The following MRTFA variants were observed in gnomAD, a reference collection of about 807,000 sequenced individuals.
The protein encoded by MRTFA is myocardin related transcription factor A, also known as myocardin-related transcription factor A.
A neutral mutation model predicts 83.5 loss-of-function variants in MRTFA; 20 were observed. The observed-to-expected ratio is 0.24, with a 90% CI of 0.17 to 0.35. The LOEUF is 0.35. MRTFA is among the 10% of genes least tolerant of loss of function. MRTFA has a pLI of 1.00. For missense variants in MRTFA, 1,200 were observed against 1,224.7 expected (o/e 0.98, Z 0.30); for synonymous variants, 659 against 541.2 (o/e 1.22, Z -3.02).
chr22:40,556,031 A>G (rs1331402837), intron 2 of MRTFA, among the ~76,000 whole-genome samples: 1 of 152,188 alleles, frequency 6.6e-6, no homozygotes, highest in African/African-American at 2.4e-5. Context: ...CTACATACTC[A>G]TATATTAAAA....
chr22:40,507,467 T>C (rs937675306), intron 3 of MRTFA, among the ~76,000 whole-genome samples: 8 of 151,774 alleles, frequency 5.3e-5, no homozygotes, highest in African/African-American at 1.7e-4. Flanking sequence ...ATCCTGTCTC[T>C]AAAAAGAATA....
chr22:40,577,538 C>A (rs1056824198), intron 2 of MRTFA, among the ~76,000 whole-genome samples: 12 of 151,842 alleles, frequency 7.9e-5, no homozygotes, highest in African/African-American at 2.9e-4. Context: ...CCATCTCTGA[C>A]ATGCCTTCAC....
intron 3 of MRTFA, among the ~76,000 whole-genome samples, chr22:40,501,975 C>T (rs1305364932): frequency 1.2e-4 from 14 of 119,876 alleles, no homozygotes; most frequent in South Asian, 5.9e-4. Context: ...GCTGGCCGGG[C>T]GGGGGGCTGA....
At chr22:40,417,254 T>C (rs1202143989) in intron 13 of MRTFA, 87 bp downstream of exon 13, 2 of 1,530,914 alleles carry the variant, frequency 1.3e-6, no homozygotes, top group Middle Eastern at 2.3e-4. Flanking sequence ...GCCTGCCCCC[T>C]ATTCCTCCGG....
intron 3 of MRTFA, among the ~76,000 whole-genome samples, chr22:40,500,023 G>A (rs932650447): frequency 1.4e-5 from 2 of 144,888 alleles, no homozygotes; most frequent in East Asian, 2.2e-4. Flanking sequence ...TCCGCCTCCA[G>A]GGTTCAAGCA....
At chr22:40,543,829 A>T (rs2055325573) in intron 3 of MRTFA, among the ~76,000 whole-genome samples, 1 of 152,206 alleles carries the variant, frequency 6.6e-6, no homozygotes, top group Admixed American at 6.5e-5. Flanking sequence ...TCCAATCAAA[A>T]TCCTGAGTAA....
In MRTFA at chr22:40,423,410, TC is replaced by T. The variant is rs1323908041; in HGVS notation, c.927+125del. The T allele has an allele frequency of 1.7e-5, 15 of 887,560 alleles. No individual in the cohort carries two copies. In the East Asian group the frequency reaches 4.2e-4, roughly 25 times the overall value. The allele number at this position is 887,560 out of a possible 1,614,324, so 55.0% of individuals were successfully genotyped here. A position where few individuals can be genotyped will look rare whatever the true frequency, so the allele number is the denominator to read the frequency against. On this transcript the variant is annotated intron_variant, in intron 9 of 14. Transcript: ENST00000355630. Reference sequence around the variant, plus strand: ...GACAGCAGACAGAACGGGAAGAAACTCCCAGACCAATGGGAGAAGACACGCA... The same window carrying T: ...GACAGCAGACAGAACGGGAAGAAACTCCAGACCAATGGGAGAAGACACGCA...
Position 40,457,489 on chromosome 22 carries a change from G to GAAAGAAA in MRTFA, c.307+5731_307+5732insTTTCTTT, listed in dbSNP as rs1569276004. ...AAGAAAGAAAGAAAGAAAGAAAGAA[G>GAAAGAAA]GAAAGAAAGAAAGAGAAAGAAAGAA... On this transcript the variant is annotated intron_variant, in intron 4 of 14. Transcript: ENST00000355630. 1.6e-3 allele frequency among the ~76,000 whole-genome samples: 102 copies of GAAAGAAA among 65,772 alleles called. 2 individuals are homozygous for GAAAGAAA. The highest frequency in any genetic ancestry group is 9.3e-3 in the South Asian group (17 of 1,830). 43.1% of individuals were successfully genotyped at this position (65,772 alleles called of 152,430 possible).
intron 3 of MRTFA, among the ~76,000 whole-genome samples, chr22:40,547,840 C>T (rs929375450): frequency 1.5e-5 from 2 of 131,876 alleles, no homozygotes; most frequent in African/African-American, 5.8e-5. Context: ...GGTGACAGGG[C>T]GAGACTGTCT....
chr22:40,634,037 T>C lies in MRTFA; in HGVS notation c.-84+2441A>G, dbSNP rs564084184. The stretch of plus-strand genomic sequence containing the variant: ...TTTATGTAGTGGGCATCAAGGAATG[T>C]TAGTTTCCTTCTCCCTTCCTGGGGC... On this transcript the variant is annotated intron_variant, in intron 1 of 14. Coordinates refer to ENST00000355630, the MANE Select transcript of MRTFA (RefSeq NM_020831.6). Among the ~76,000 whole-genome samples the C allele has an allele frequency of 2.0e-4, 30 of 152,286 alleles. No homozygotes were observed. In the East Asian group the frequency reaches 5.8e-3, roughly 29 times the overall value.
intron 2 of MRTFA, among the ~76,000 whole-genome samples, chr22:40,568,684 G>C (rs2055740701): frequency 6.6e-6 from 1 of 152,158 alleles, no homozygotes; most frequent in South Asian, 2.1e-4. Flanking sequence ...TCCAAACAAA[G>C]TAAATAATAC....
At chr22:40,547,332 A>G (rs2055380353) in intron 3 of MRTFA, among the ~76,000 whole-genome samples, 1 of 152,084 alleles carries the variant, frequency 6.6e-6, no homozygotes, top group Non-Finnish European at 1.5e-5. Context: ...ACACACAATG[A>G]CAGATAATAA....
chr22:40,529,699 C>CA (rs1238545407), intron 3 of MRTFA, among the ~76,000 whole-genome samples: 1 of 152,114 alleles, frequency 6.6e-6, no homozygotes, highest in South Asian at 2.1e-4. Flanking sequence ...AAGGATAAAT[C>CA]AAACAGAACA....
chr22:40,535,828 A>G (rs2055162292), intron 3 of MRTFA, among the ~76,000 whole-genome samples: 1 of 152,176 alleles, frequency 6.6e-6, no homozygotes, highest in Non-Finnish European at 1.5e-5. Flanking sequence ...CATAGAAGAG[A>G]GCATGTAATG....
intron 3 of MRTFA, among the ~76,000 whole-genome samples, chr22:40,480,743 CTTTTTT>C (rs758150714): frequency 2.1e-5 from 2 of 93,542 alleles, no homozygotes; most frequent in African/African-American, 4.8e-5. Flanking sequence ...GAGTTCAAGA[CTTTTTT>C]TTTTTTTTTT....
intron 3 of MRTFA, among the ~76,000 whole-genome samples, chr22:40,489,772 A>G (rs1002031686): frequency 4.6e-5 from 7 of 152,090 alleles, no homozygotes; most frequent in Admixed American, 2.0e-4. Flanking sequence ...TGAGGTCAGG[A>G]GTTCGAGACC....
At chr22:40,533,568 A>T in intron 3 of MRTFA, 1 of 1,218,710 alleles carries the variant, frequency 8.2e-7, no homozygotes, top group Non-Finnish European at 1.0e-6. Context: ...CAAGTTAGGA[A>T]ATTAGGATTT....
At chr22:40,508,281 G>A (rs542698629) in intron 3 of MRTFA, among the ~76,000 whole-genome samples, 16 of 151,892 alleles carry the variant, frequency 1.1e-4, no homozygotes, top group East Asian at 1.9e-4. Flanking sequence ...AGGCCGAGGC[G>A]GGCAGATCAT....
intron 1 of MRTFA, among the ~76,000 whole-genome samples, chr22:40,621,016 C>CA (rs1569356247): frequency 6.6e-6 from 1 of 151,542 alleles, no homozygotes; most frequent in African/African-American, 2.4e-5. Context: ...ACCATCCCTA[C>CA]AAAAAATACA....
Sources: gnomAD v4.1 joint callset for allele counts (sites outside exome capture counted in the v4.1 genomes callset) on GRCh38, gnomAD v4.1.1 for gene constraint, MANE v1.5 for transcripts, NCBI Gene and HGNC (gene_info 2026-07-23, HGNC 2026-07-21) for gene names.